The following RTL4 variants were observed in gnomAD, a reference collection of about 807,000 sequenced individuals.
The protein encoded by RTL4 is retrotransposon Gag-like protein 4.
RTL4 carries 4 observed loss-of-function variants against 5.3 expected under a neutral mutation model. The ratio of observed to expected loss-of-function variants is 0.75; its 90% CI spans 0.37 to 1.72. RTL4 has a LOEUF of 1.72. RTL4 is among the 40% of genes most tolerant of loss of function. The pLI, the probability that RTL4 is intolerant of heterozygous loss-of-function variation, is 0.04. For synonymous variants in RTL4, 98 were observed against 87.3 expected, an observed-to-expected ratio of 1.12 and a Z score of -0.68; for missense variants, 260 against 227.1, an observed-to-expected ratio of 1.14 and a Z score of -0.93.
At chrX:112,363,931 A>T in the RTL4 span, among the ~76,000 whole-genome samples, 1 of 111,248 alleles carries the variant, frequency 9.0e-6, no homozygotes, top group Non-Finnish European at 1.9e-5. Context: ...AGAAGGGAGC[A>T]AAATCATTTC....
chrX:112,452,193 C>A (rs895109880), upstream of RTL4, among the ~76,000 whole-genome samples: 2 of 104,508 alleles, frequency 1.9e-5, no homozygotes, highest in African/African-American at 7.0e-5. Context: ...CAGGTTCAAG[C>A]GATTCTCCTG....
the RTL4 span, among the ~76,000 whole-genome samples, chrX:112,252,921 G>A: frequency 2.7e-5 from 3 of 111,165 alleles, 1 homozygote; most frequent in Non-Finnish European, 5.7e-5. Flanking sequence ...GCTAATGAGG[G>A]CTAACAGTTT....
the RTL4 span, among the ~76,000 whole-genome samples, chrX:112,339,485 T>C: frequency 8.9e-6 from 1 of 111,950 alleles, no homozygotes; most frequent in Non-Finnish European, 1.9e-5. Context: ...GTGTTCTGGA[T>C]ACAGAAAAGG....
the RTL4 span, among the ~76,000 whole-genome samples, chrX:112,126,564 T>TA: frequency 9.0e-6 from 1 of 110,946 alleles, no homozygotes; most frequent in African/African-American, 3.3e-5. Context: ...AAAGAAATAA[T>TA]AAAAGTTAAA....
At chrX:112,159,882 C>T in the RTL4 span, among the ~76,000 whole-genome samples, 1 of 111,184 alleles carries the variant, frequency 9.0e-6, no homozygotes, top group African/African-American at 3.3e-5. Flanking sequence ...CTTTCCCCTC[C>T]TCTTTCTCAT....
chrX:112,129,498 T>C, the RTL4 span, among the ~76,000 whole-genome samples: 1 of 112,196 alleles, frequency 8.9e-6, no homozygotes, highest in African/African-American at 3.2e-5. Context: ...CGATAAAATG[T>C]ATTAGCAAAA....
the RTL4 span, among the ~76,000 whole-genome samples, chrX:112,207,637 TTG>T: frequency 2.2e-5 from 2 of 91,603 alleles, no homozygotes; most frequent in African/African-American, 5.1e-5. Context: ...TCTAGTGGCA[TTG>T]TTTTTTTTTT....
At chrX:112,224,924 A>G in the RTL4 span, among the ~76,000 whole-genome samples, 1 of 112,051 alleles carries the variant, frequency 8.9e-6, no homozygotes, top group African/African-American at 3.2e-5. Flanking sequence ...CTGGTCAATT[A>G]TTTATTTCAC....
chrX:112,321,334 G>A, the RTL4 span, among the ~76,000 whole-genome samples: 3 of 110,629 alleles, frequency 2.7e-5, no homozygotes, highest in South Asian at 3.8e-4. Flanking sequence ...TCAAGCGATC[G>A]AGACCATCCT....
chrX:112,084,116 C>T, the RTL4 span, among the ~76,000 whole-genome samples: 1 of 111,109 alleles, frequency 9.0e-6, no homozygotes, highest in Non-Finnish European at 1.9e-5. Context: ...TAAGTGTAAG[C>T]TCCCGAAAAT....
At chrX:112,297,635 C>T in the RTL4 span, among the ~76,000 whole-genome samples, 4 of 111,493 alleles carry the variant, frequency 3.6e-5, no homozygotes, top group Non-Finnish European at 7.5e-5. Context: ...GGTGGGGGCA[C>T]AAAGCCAAAC....
At chrX:112,404,472 G>A in the RTL4 span, among the ~76,000 whole-genome samples, 249 of 111,642 alleles carry the variant, frequency 2.2e-3, no homozygotes, top group African/African-American at 7.5e-3. Context: ...CAGAGTCTCC[G>A]TTTTTTCTCT....
the RTL4 span, among the ~76,000 whole-genome samples, chrX:112,086,632 G>A: frequency 8.9e-6 from 1 of 111,898 alleles, no homozygotes; most frequent in Non-Finnish European, 1.9e-5. Flanking sequence ...AGTTTCCGGT[G>A]AGCCAGGCAG....
chrX:112,348,945 A>T, the RTL4 span, among the ~76,000 whole-genome samples: 1 of 110,570 alleles, frequency 9.0e-6, no homozygotes, highest in Admixed American at 9.7e-5. Flanking sequence ...TTTTATAAGA[A>T]CTTTAAATAT....
chrX:112,260,104 C>T, the RTL4 span, among the ~76,000 whole-genome samples: 110 of 111,586 alleles, frequency 9.9e-4, no homozygotes, highest in Non-Finnish European at 1.7e-3. Flanking sequence ...GGATAGAATG[C>T]TCTGGAGTTT....
chrX:112,174,253 C>T, the RTL4 span, among the ~76,000 whole-genome samples: 4 of 76,816 alleles, frequency 5.2e-5, no homozygotes, highest in Admixed American at 1.7e-4. Context: ...CACAACAGTC[C>T]CCAGAGTGTG....
the RTL4 span, among the ~76,000 whole-genome samples, chrX:112,313,921 G>T: frequency 9.0e-6 from 1 of 110,755 alleles, no homozygotes; most frequent in Non-Finnish European, 1.9e-5. Context: ...GAGGGGAAAG[G>T]GAGATCAAAA....
At chrX:112,429,284 C>T in the RTL4 span, among the ~76,000 whole-genome samples, 1 of 110,625 alleles carries the variant, frequency 9.0e-6, no homozygotes, top group African/African-American at 3.3e-5. Flanking sequence ...TTATGAGATT[C>T]CCTTTTCTCT....
the RTL4 span, among the ~76,000 whole-genome samples, chrX:112,352,997 A>G: frequency 2.7e-5 from 3 of 112,040 alleles, no homozygotes; most frequent in Middle Eastern, 9.2e-3. Flanking sequence ...AAAAAAACAA[A>G]CAACCCCATC....
Sources: gnomAD v4.1 joint callset for allele counts (sites outside exome capture counted in the v4.1 genomes callset) on GRCh38, gnomAD v4.1.1 for gene constraint, MANE v1.5 for transcripts, NCBI Gene and HGNC (gene_info 2026-07-23, HGNC 2026-07-21) for gene names.